The following ZNF536 variants were observed in gnomAD, a reference collection of about 807,000 sequenced individuals.
The protein encoded by ZNF536 is zinc finger protein 536.
Under a neutral mutation model 84.5 loss-of-function variants are expected in ZNF536, and 13 were observed. That is an observed-to-expected ratio of 0.15 (90% CI 0.10 to 0.24). The LOEUF is 0.24. Ranked by LOEUF, ZNF536 falls within the 10% of genes least tolerant of loss-of-function variation. The pLI is 1.00. For synonymous variants in ZNF536, 811 were observed against 742.5 expected (o/e 1.09, Z -1.50); for missense variants, 1,536 against 1,747.5 (o/e 0.88, Z 2.16).
At chr19:30,234,132 T>C (rs1350666093) in intron 1 of ZNF536, among the ~76,000 whole-genome samples, 2 of 152,198 alleles carry the variant, frequency 1.3e-5, no homozygotes, top group Non-Finnish European at 2.9e-5. Flanking sequence ...GGCTTTCCAA[T>C]GAGAAAATTA....
At position 30,548,058 on chromosome 19, in the gene ZNF536, T is replaced by TGGG; in HGVS notation, c.2440_2442dup (p.Gly814dup). Reference sequence around the variant, plus strand: ...GGCAGAACGGGGCTGGGCCGCTGTCTGGGCAACCCCCAAATCAAGACCACA... The same window carrying TGGG: ...GGCAGAACGGGGCTGGGCCGCTGTCTGGGGGGCAACCCCCAAATCAAGACCACA... On this transcript the variant is annotated inframe_insertion, in exon 4 of 5. Transcript: ENST00000355537. 1.2e-6 allele frequency: 2 copies of TGGG among 1,614,128 alleles called. No homozygotes were observed. Among genetic ancestry groups the TGGG allele is most frequent in the South Asian group, 2.2e-5 (2 of 91,084 alleles).
rs758787390 is a variant in ZNF536 at position 30,548,252 on chromosome 19, C to T, written c.2633C>T (p.Ser878Leu). The change falls in exon 4 of 5, where the codon TCG (serine) becomes TTG (leucine). Residue 878 changes from serine to leucine, a missense_variant. Transcript: ENST00000355537. The part of the protein sequence containing the change: ...DHSGQATGMS[S>L]EVPSDALKGT... The stretch of plus-strand genomic sequence containing the variant: ...TCGGGGCAGGCCACGGGCATGTCTT[C>T]GGAGGTCCCCTCAGATGCTCTGAAA... The T allele has an allele frequency of 6.2e-5, 100 of 1,614,070 alleles. 1 individual carries two copies. The highest frequency in any genetic ancestry group is 5.5e-4 in the South Asian group (50 of 91,084).
chr19:30,521,651 C>A (rs892615327), intron 2 of ZNF536, among the ~76,000 whole-genome samples: 6 of 152,086 alleles, frequency 3.9e-5, no homozygotes, highest in African/African-American at 1.4e-4. Flanking sequence ...CGGCCACGTG[C>A]AAAGTATGGA....
At chr19:30,696,322 C>A (rs181180007) in intron 1 of ZNF536, among the ~76,000 whole-genome samples, 9 of 152,188 alleles carry the variant, frequency 5.9e-5, no homozygotes, top group Non-Finnish European at 1.0e-4. Flanking sequence ...TCCAGGCCAG[C>A]GCCTTCTCTT....
chr19:30,391,811 C>T (rs767473541), intron 1 of ZNF536, among the ~76,000 whole-genome samples: 5 of 152,168 alleles, frequency 3.3e-5, no homozygotes, highest in Admixed American at 6.5e-5. Flanking sequence ...ATTGTAACTC[C>T]CAGCCACCCC....
chr19:30,375,934 A>G (rs1339960239), intron 1 of ZNF536, among the ~76,000 whole-genome samples: 1 of 152,088 alleles, frequency 6.6e-6, no homozygotes, highest in African/African-American at 2.4e-5. Flanking sequence ...GTGTGTGCTC[A>G]TGTGCCTGTG....
intron 1 of ZNF536, among the ~76,000 whole-genome samples, chr19:30,277,986 A>G (rs927028443): frequency 4.0e-5 from 6 of 151,304 alleles, no homozygotes; most frequent in Non-Finnish European, 8.8e-5. Context: ...TCCAACTCAC[A>G]CTCTCTCTGG....
Position 30,483,756 on chromosome 19 carries a change from C to T in ZNF536, c.2170+38024C>T, listed in dbSNP as rs146670767. Reference sequence around the variant, plus strand: ...CCTAAAAGCCAACCTGATCATGTCACTTCTCAGTTTAAAGCAACCCATGGG... The same window carrying T: ...CCTAAAAGCCAACCTGATCATGTCATTTCTCAGTTTAAAGCAACCCATGGG... On this transcript the variant is annotated intron_variant, in intron 2 of 4. Transcript: ENST00000355537. Among the ~76,000 whole-genome samples, 10 of 152,248 alleles carry T rather than the reference C, an allele frequency of 6.6e-5. No homozygotes were observed. The East Asian group carries it at 1.9e-3, about 29-fold the overall frequency.
Position 30,664,208 on chromosome 19 carries a change from CT to C in ZNF536, c.170-46548del, listed in dbSNP as rs1450966898. ...TAGAGGAATTCTTGCTGAGTTTTCT[CT>C]CTCTCTCTCTCTCTCTCTCTCTCTC... On this transcript the variant is annotated intron_variant, in intron 1 of 1. Coordinates refer to the ZNF536 transcript ENST00000592773. Among the ~76,000 whole-genome samples the C allele has an allele frequency of 0.034, 205 of 6,106 alleles. 4 individuals are homozygous for C. The East Asian group carries it at 0.43, about 13-fold the overall frequency. 4.0% of individuals were successfully genotyped at this position (6,106 alleles called of 152,430 possible).
chr19:30,322,975 T>C (rs2146271100), intron 2 of ZNF536, among the ~76,000 whole-genome samples: 1 of 152,336 alleles, frequency 6.6e-6, no homozygotes, highest in Middle Eastern at 3.4e-3. Flanking sequence ...GCAGAGGTAC[T>C]GGGTCAGATG....
intron 2 of ZNF536, among the ~76,000 whole-genome samples, chr19:30,473,066 C>T (rs933302757): frequency 2.0e-5 from 3 of 150,694 alleles, no homozygotes; most frequent in Admixed American, 6.6e-5. Context: ...ATTAGCCGGG[C>T]GTGGTGGCAC....
intron 1 of ZNF536, among the ~76,000 whole-genome samples, chr19:30,660,706 C>T (rs906726293): frequency 3.9e-5 from 6 of 152,190 alleles, no homozygotes; most frequent in African/African-American, 1.4e-4. Flanking sequence ...TAAAAGGTTC[C>T]TATCGATTGC....
intron 2 of ZNF536, among the ~76,000 whole-genome samples, chr19:30,516,837 G>C (rs2044098868): frequency 6.6e-6 from 1 of 152,212 alleles, no homozygotes; most frequent in Non-Finnish European, 1.5e-5. Context: ...TCGTGGCGAG[G>C]CTTCGTGAAG....
Position 30,364,821 on chromosome 19 carries a change from T to A in ZNF536, c.-3+12337T>A, listed in dbSNP as rs185535966. ...ATCAGGGTCATATGCGTTTTTCTTT[T>A]CATATGTATACAAAAGAGGTACTTT... is the stretch of plus-strand genomic sequence containing the variant. On this transcript the variant is annotated intron_variant, in intron 3 of 5. Transcript: ENST00000585628. Among the ~76,000 whole-genome samples, 256 of 152,302 alleles carry A rather than the reference T, an allele frequency of 1.7e-3. 2 individuals are homozygous for A. The highest frequency in any genetic ancestry group is 6.1e-3 in the African/African-American group (252 of 41,550).
intron 2 of ZNF536, among the ~76,000 whole-genome samples, chr19:30,325,096 T>C (rs1168622354): frequency 1.3e-5 from 2 of 152,246 alleles, no homozygotes; most frequent in African/African-American, 4.8e-5. Flanking sequence ...CAGGTTCATG[T>C]CTTCCTCATG....
intron 2 of ZNF536, among the ~76,000 whole-genome samples, chr19:30,333,527 G>A (rs1353328669): frequency 2.6e-5 from 4 of 152,202 alleles, no homozygotes; most frequent in African/African-American, 2.4e-5. Flanking sequence ...TCCTGCCTGC[G>A]GCTGTCTTTG....
At chr19:30,621,519 G>A (rs2048481652) in intron 1 of ZNF536, among the ~76,000 whole-genome samples, 2 of 152,154 alleles carry the variant, frequency 1.3e-5, no homozygotes, top group Admixed American at 1.3e-4. Context: ...GATGAAATCT[G>A]AGCCCAAGAG....
At chr19:30,577,361 T>A (rs1171788995) in intron 1 of ZNF536, among the ~76,000 whole-genome samples, 1 of 152,170 alleles carries the variant, frequency 6.6e-6, no homozygotes, top group Non-Finnish European at 1.5e-5. Flanking sequence ...GCCAGCCTGG[T>A]GTTCTTGGGG....
intron 1 of ZNF536, among the ~76,000 whole-genome samples, chr19:30,632,229 A>AT (rs1281385414): frequency 6.6e-6 from 1 of 152,162 alleles, no homozygotes; most frequent in African/African-American, 2.4e-5. Flanking sequence ...CTGGGGACGC[A>AT]TTTTCTGTTC....
Sources: allele counts gnomAD v4.1 joint callset (sites outside exome capture counted in the v4.1 genomes callset), GRCh38; gene constraint gnomAD v4.1.1; transcripts MANE v1.5; gene names NCBI Gene and HGNC (gene_info 2026-07-23, HGNC 2026-07-21).